The following CSMD1 variants were observed in gnomAD, a reference collection of about 807,000 sequenced individuals.
The protein encoded by CSMD1 is CUB and sushi domain-containing protein 1.
A neutral mutation model predicts 417.5 loss-of-function variants in CSMD1; 213 were observed. The observed-to-expected ratio is 0.51, with a 90% CI of 0.46 to 0.57. The LOEUF (loss-of-function observed/expected upper bound fraction) is 0.57. Ranked by LOEUF, CSMD1 falls within the 20% of genes least tolerant of loss-of-function variation. The pLI, the probability that CSMD1 is intolerant of heterozygous loss-of-function variation, is 0.00. For missense variants in CSMD1, 6,923 were observed against 4,529.7 expected (o/e 1.53, Z -15.17); for synonymous variants, 2,862 against 1,736.8 (o/e 1.65, Z -16.11).
chr8:3,482,341 T>G (rs1207580281), intron 11 of CSMD1, among the ~76,000 whole-genome samples: 5 of 152,112 alleles, frequency 3.3e-5, no homozygotes, highest in Non-Finnish European at 5.9e-5. Flanking sequence ...ACATACCATG[T>G]AAATATTAAT....
intron 48 of CSMD1, among the ~76,000 whole-genome samples, chr8:3,089,720 C>G (rs1814800243): frequency 6.6e-6 from 1 of 150,470 alleles, no homozygotes; most frequent in African/African-American, 2.5e-5. Context: ...TTTATATTCA[C>G]ATATGACACG....
intron 1 of CSMD1, among the ~76,000 whole-genome samples, chr8:4,648,828 G>T (rs1803701573): frequency 6.6e-6 from 1 of 152,158 alleles, no homozygotes; most frequent in African/African-American, 2.4e-5. Flanking sequence ...GGTAAAATGT[G>T]TGTTTATAGT....
chr8:3,282,028 G>C lies in CSMD1; in HGVS notation c.4153+2116C>G, dbSNP rs182108412. On this transcript the variant is annotated intron_variant, in intron 26 of 69. Transcript: ENST00000635120. ...TTCCCCTTTACCTTCTGCCATGACT[G>C]TAAGTTTCCTGAGGCCCTCCCAGCC... is the stretch of plus-strand genomic sequence containing the variant. 1.5e-3 allele frequency among the ~76,000 whole-genome samples: 226 copies of C among 152,258 alleles called. 1 individual carries two copies. Among genetic ancestry groups the C allele is most frequent in the Non-Finnish European group, 1.2e-3 (81 of 68,018 alleles).
intron 5 of CSMD1, among the ~76,000 whole-genome samples, chr8:3,905,648 C>A (rs539652100): frequency 6.6e-6 from 1 of 152,328 alleles, no homozygotes; most frequent in South Asian, 2.1e-4. Flanking sequence ...CTGTCCCAGG[C>A]AATGCTCATA....
intron 3 of CSMD1, among the ~76,000 whole-genome samples, chr8:4,235,982 G>C (rs117806248): frequency 1.4e-5 from 2 of 146,568 alleles, no homozygotes; most frequent in African/African-American, 2.5e-5. Context: ...TACCTAGCAA[G>C]TGATTCGTGA....
intron 1 of CSMD1, among the ~76,000 whole-genome samples, chr8:4,739,166 G>A: frequency 6.6e-6 from 1 of 152,010 alleles, no homozygotes; most frequent in East Asian, 1.9e-4. Flanking sequence ...CTTCCTAATA[G>A]CTCATTTTAG....
intron 1 of CSMD1, among the ~76,000 whole-genome samples, chr8:4,844,894 A>G (rs1388126146): frequency 1.3e-5 from 2 of 152,184 alleles, no homozygotes; most frequent in Non-Finnish European, 2.9e-5. Flanking sequence ...CCCCCACAGT[A>G]TACAAGAGTA....
intron 10 of CSMD1, among the ~76,000 whole-genome samples, chr8:3,533,222 G>A (rs367989722): frequency 6.6e-6 from 1 of 152,108 alleles, no homozygotes; most frequent in African/African-American, 2.4e-5. Context: ...CCTATTTTCT[G>A]TATTTCATTA....
chr8:4,559,756 C>A (rs1246671077), intron 2 of CSMD1, among the ~76,000 whole-genome samples: 1 of 152,226 alleles, frequency 6.6e-6, no homozygotes, highest in Non-Finnish European at 1.5e-5. Context: ...AATAGTGAGT[C>A]AGTTGTTATC....
intron 3 of CSMD1, among the ~76,000 whole-genome samples, chr8:4,127,058 C>G (rs17069056): frequency 4.7e-5 from 7 of 148,046 alleles, no homozygotes; most frequent in Admixed American, 3.4e-4. Flanking sequence ...CAAGTTTTAG[C>G]CAAAAATCAG....
intron 5 of CSMD1, among the ~76,000 whole-genome samples, chr8:3,896,734 T>G (rs763274619): frequency 7.2e-5 from 11 of 151,978 alleles, no homozygotes; most frequent in Admixed American, 7.2e-4. Flanking sequence ...ATGGTCTCGA[T>G]CCTGAATATG....
intron 2 of CSMD1, among the ~76,000 whole-genome samples, chr8:4,615,285 C>A (rs760626675): frequency 2.0e-5 from 3 of 152,198 alleles, no homozygotes; most frequent in Non-Finnish European, 4.4e-5. Flanking sequence ...ATGAAATAAT[C>A]TCTTCACATT....
chr8:4,564,393 T>G (rs1342864272), intron 2 of CSMD1, among the ~76,000 whole-genome samples: 5 of 152,226 alleles, frequency 3.3e-5, no homozygotes, highest in Non-Finnish European at 7.3e-5. Flanking sequence ...CAAATATGTG[T>G]TGCTCACTGT....
At chr8:4,554,803 G>GTA (rs1311780940) in intron 2 of CSMD1, among the ~76,000 whole-genome samples, 2 of 152,224 alleles carry the variant, frequency 1.3e-5, no homozygotes, top group Admixed American at 1.3e-4. Context: ...GTCCGTCCCT[G>GTA]TTGAGGCAGT....
At chr8:3,263,165 C>T (rs530291174) in intron 26 of CSMD1, among the ~76,000 whole-genome samples, 13 of 152,108 alleles carry the variant, frequency 8.5e-5, no homozygotes, top group East Asian at 1.9e-4. Context: ...GTGGCATGAT[C>T]GCAGCTCACT....
intron 2 of CSMD1, among the ~76,000 whole-genome samples, chr8:4,478,149 G>C (rs1455307527): frequency 6.6e-6 from 1 of 152,140 alleles, no homozygotes; most frequent in African/African-American, 2.4e-5. Context: ...TAACAGCAAA[G>C]ATGGGCAATT....
At chr8:4,453,193 ACACC>A (rs1238998987) in intron 2 of CSMD1, among the ~76,000 whole-genome samples, 1 of 140,270 alleles carries the variant, frequency 7.1e-6, no homozygotes, top group Non-Finnish European at 1.5e-5. Flanking sequence ...ACACACAGAC[ACACC>A]CACACAGACA....
intron 1 of CSMD1, among the ~76,000 whole-genome samples, chr8:4,803,971 C>T (rs2117297693): frequency 6.6e-6 from 1 of 152,284 alleles, no homozygotes; most frequent in South Asian, 2.1e-4. Flanking sequence ...ACAGATGTAT[C>T]GTAAGTCAAA....
intron 1 of CSMD1, among the ~76,000 whole-genome samples, chr8:4,713,939 G>A (rs749135894): frequency 6.6e-6 from 1 of 152,100 alleles, no homozygotes; most frequent in Non-Finnish European, 1.5e-5. Context: ...GAGGTCAGGA[G>A]TTCAAAACCA....
Sources: allele counts gnomAD v4.1 joint callset (sites outside exome capture counted in the v4.1 genomes callset), GRCh38; gene constraint gnomAD v4.1.1; transcripts MANE v1.5; gene names NCBI Gene and HGNC (gene_info 2026-07-23, HGNC 2026-07-21).